Variants in SMPDL3B observed in about 807,000 individuals in gnomAD.
SMPDL3B encodes sphingomyelin phosphodiesterase acid like 3B.
In SMPDL3B, 31 loss-of-function variants were observed where a neutral mutation model predicts 37.9. The observed-to-expected ratio is 0.82, with a 90% CI of 0.61 to 1.10. SMPDL3B has a LOEUF of 1.10. Among genes scored for constraint, SMPDL3B ranks in the 50% least tolerant of loss-of-function variants. The probability of loss-of-function intolerance (pLI) is 0.00; values close to 1 mark genes in which losing one functional copy is unlikely to be tolerated. For synonymous variants in SMPDL3B, 235 were observed against 242.6 expected, an observed-to-expected ratio of 0.97 and a Z score of 0.29; for missense variants, 525 against 597.8, an observed-to-expected ratio of 0.88 and a Z score of 1.27.
At chr1:27,942,450 C>A in intron 1 of SMPDL3B, 1 of 421,864 alleles carries the variant, frequency 2.4e-6, no homozygotes, top group South Asian at 1.8e-5. Context: ...GCAGTTCATT[C>A]CTTTACTCTG....
chr1:27,938,929 G>C (rs888835190), intron 1 of SMPDL3B: 19 of 152,154 alleles, frequency 1.2e-4, no homozygotes, highest in African/African-American at 4.6e-4. Flanking sequence ...TCAATTTTGG[G>C]GGACGTAGCC....
At position 27,935,144 on chromosome 1, in the gene SMPDL3B, G is replaced by A. The variant is rs750403704; in HGVS notation, c.-40G>A. 2.2e-5 allele frequency: 33 copies of A among 1,525,178 alleles called. No homozygotes were observed. The highest frequency in any genetic ancestry group is 1.1e-4 in the South Asian group (10 of 88,024). 94.5% of individuals were successfully genotyped at this position (1,525,178 alleles called of 1,614,324 possible). ...AGCCTGTGGTGAGAACAACAACAGTGCCTGAGAATCCCACGGCTCTGGGGA... is the reference window on the plus strand; with the variant it reads ...AGCCTGTGGTGAGAACAACAACAGTACCTGAGAATCCCACGGCTCTGGGGA... On this transcript the variant is annotated 5_prime_UTR_variant, in exon 1 of 8. Transcript: ENST00000373894.
At position 27,955,751 on chromosome 1, in the gene SMPDL3B, A is replaced by G. The variant is rs774378562; in HGVS notation, c.758A>G (p.Glu253Gly). The G allele has an allele frequency of 6.2e-7, 1 of 1,614,084 alleles. No individual in the cohort carries two copies. Among genetic ancestry groups the G allele is most frequent in the Non-Finnish European group, 8.5e-7 (1 of 1,180,014 alleles). The change falls in exon 6 of 8, where the codon GAG becomes GGG. Residue 253 changes from glutamate (E) to glycine (G), a missense_variant. Coordinates refer to ENST00000373894, the MANE Select transcript of SMPDL3B (RefSeq NM_014474.4). ...ACGCAAAACAAGGCATGGTTCCGGG[A>G]GGGCTTCAATGAAAAATACCTGAAG... ...EKTQNKAWFREGFNEKYLKVV... is the reference protein window; with the variant it reads ...EKTQNKAWFRGGFNEKYLKVV...
chr1:27,944,108 C>T (rs2090384067), intron 1 of SMPDL3B, among the ~76,000 whole-genome samples: 1 of 151,044 alleles, frequency 6.6e-6, no homozygotes, highest in Non-Finnish European at 1.5e-5. Flanking sequence ...GGATTCCTTT[C>T]TCTTTATTAC....
intron 3 of SMPDL3B, among the ~76,000 whole-genome samples, chr1:27,949,670 C>T (rs1000422287): frequency 6.6e-6 from 1 of 152,164 alleles, no homozygotes; most frequent in Non-Finnish European, 1.5e-5. Flanking sequence ...AGCAGCCCTA[C>T]GGGACACTAT....
intron 1 of SMPDL3B, chr1:27,942,313 G>T (rs1181490882): frequency 2.5e-6 from 1 of 398,510 alleles, no homozygotes; most frequent in East Asian, 8.8e-5. Flanking sequence ...GAAAGGCAAA[G>T]GGCCTCCCCC....
Position 27,958,483 on chromosome 1 carries a change from T to A in SMPDL3B, c.1013T>A (p.Val338Glu). Residue 338 changes from valine to glutamate, a missense_variant, in exon 8 of 8, where the codon GTG (valine) becomes GAG (glutamate). By Grantham distance (121) the Val-to-Glu change is moderately radical (BLOSUM62 -2). Transcript: ENST00000373894. The surrounding 1 kb of genome is among the most constrained non-coding windows in gnomAD (Gnocchi z 5.6). ...DRATLSLKDM[V>E]TYFMNLSQAN... is the part of the protein sequence containing the mutation. Reference sequence around the variant, plus strand: ...CCCAAACCCTTTTTCCAGGACATGGTGACCTACTTCATGAACCTGAGCCAG... The same window carrying A: ...CCCAAACCCTTTTTCCAGGACATGGAGACCTACTTCATGAACCTGAGCCAG... The A allele has an allele frequency of 6.3e-7, 1 of 1,599,882 alleles. No individual in the cohort carries two copies. Among genetic ancestry groups the A allele is most frequent in the Non-Finnish European group, 8.6e-7 (1 of 1,168,650 alleles).
intron 1 of SMPDL3B, among the ~76,000 whole-genome samples, chr1:27,943,643 C>G (rs969331113): frequency 6.6e-6 from 1 of 152,066 alleles, no homozygotes; most frequent in Non-Finnish European, 1.5e-5. Flanking sequence ...CTTGTTTTAT[C>G]GAGAAACAGG....
intron 1 of SMPDL3B, among the ~76,000 whole-genome samples, chr1:27,939,407 G>T (rs1452355865): frequency 2.6e-5 from 4 of 152,014 alleles, no homozygotes; most frequent in Admixed American, 2.6e-4. Flanking sequence ...CTGGAGTGCG[G>T]TGCTGCAATC....
In SMPDL3B at chr1:27,954,526, G is replaced by T; in HGVS notation, c.690G>T (p.Met230Ile). Residue 230 changes from methionine (M) to isoleucine (I), a missense_variant and splice_region_variant, in exon 5 of 8, where the codon ATG (methionine) becomes ATT (isoleucine). Transcript: ENST00000373894. ...VLTDASKAGDMVYIVGHVPPG... is the reference protein window; with the variant it reads ...VLTDASKAGDIVYIVGHVPPG... ...CCGATGCATCCAAAGCTGGGGACAT[G>T]GTAAGAGGCCCTGCTTCTTTCTTTT... is the stretch of plus-strand genomic sequence containing the variant. The T allele has an allele frequency of 6.2e-7, 1 of 1,613,348 alleles. No homozygotes were observed. The highest frequency in any genetic ancestry group is 1.1e-5 in the South Asian group (1 of 91,032).
In SMPDL3B at chr1:27,945,799, A is replaced by AG. The variant is rs1361691865; in HGVS notation, c.275+356dup. 6.6e-6 allele frequency among the ~76,000 whole-genome samples: 1 copy of AG among 152,112 alleles called. No individual in the cohort carries two copies. The highest frequency in any genetic ancestry group is 2.4e-5 in the African/African-American group (1 of 41,412). ...GGGGCTTAGGGACTCTAAGTCTGAG[A>AG]GGTCCAAGTGCAGGGAGGGAAGAAG... is the stretch of plus-strand genomic sequence containing the variant. On this transcript the variant is annotated intron_variant, in intron 2 of 7. Coordinates refer to ENST00000373894, the MANE Select transcript of SMPDL3B (RefSeq NM_014474.4). The surrounding 1 kb of genome is among the most constrained non-coding windows in gnomAD (Gnocchi z 4.0).
At chr1:27,941,691 G>C (rs1368418846) in intron 1 of SMPDL3B, 2 of 153,156 alleles carry the variant, frequency 1.3e-5, no homozygotes, top group African/African-American at 4.8e-5. Context: ...CTTCTGAGGA[G>C]GTGACCTTGG....
chr1:27,956,882 G>T (rs1441359425), intron 7 of SMPDL3B, among the ~76,000 whole-genome samples: 1 of 152,062 alleles, frequency 6.6e-6, no homozygotes, highest in Non-Finnish European at 1.5e-5. Flanking sequence ...TCCACATAAG[G>T]TGCCATTTGA....
At chr1:27,956,312 T>A (rs1638273576) in intron 7 of SMPDL3B, 2 of 1,470,994 alleles carry the variant, frequency 1.4e-6, no homozygotes, top group African/African-American at 2.8e-5. Context: ...CACAGCTTCA[T>A]ACCTGGTCTC....
intron 2 of SMPDL3B, 141 bp from the exon 3 acceptor site, chr1:27,948,924 C>T (rs2148677830): frequency 6.7e-7 from 1 of 1,500,858 alleles, no homozygotes; most frequent in South Asian, 1.2e-5. Flanking sequence ...TCTGACTCCA[C>T]TCTAGCCTGG....
At chr1:27,956,610 A>C (rs1188525580) in intron 7 of SMPDL3B, 4 of 482,738 alleles carry the variant, frequency 8.3e-6, no homozygotes, top group Non-Finnish European at 1.1e-5. Flanking sequence ...TGAGATGAAA[A>C]ATATTATTCC....
rs781719214 is a variant in SMPDL3B at position 27,945,481 on chromosome 1, G to A, written c.275+36G>A. 2 of 1,547,446 alleles carry A rather than the reference G, an allele frequency of 1.3e-6. No individual in the cohort carries two copies. Among genetic ancestry groups the A allele is most frequent in the Non-Finnish European group, 1.8e-6 (2 of 1,120,926 alleles). On this transcript the variant is annotated intron_variant, in intron 2 of 7. Coordinates refer to ENST00000373894, the MANE Select transcript of SMPDL3B (RefSeq NM_014474.4). The surrounding 1 kb of genome is among the most constrained non-coding windows in gnomAD (Gnocchi z 4.0). Reference sequence around the variant, plus strand: ...TTGAGGTGGCAGCTACCCTTTGCCAGGCATCTGCTATGTGCTACATACCAG... The same window carrying A: ...TTGAGGTGGCAGCTACCCTTTGCCAAGCATCTGCTATGTGCTACATACCAG...
rs754135537 is a variant in SMPDL3B, at chr1:27,949,086, C to G, written c.297C>G (p.Pro99=). The change falls in exon 3 of 8, where the codon CCC becomes CCG. Residue 99 remains proline (P), a synonymous_variant. Transcript: ENST00000373894. Reference sequence around the variant, plus strand: ...GTAGTGATGACACGCCTCATGTGCCCGATGAGAAACTGGGAGAGGCAGCTG... The same window carrying G: ...GTAGTGATGACACGCCTCATGTGCCGGATGAGAAACTGGGAGAGGCAGCTG... ...LWTGDDTPHV[P]DEKLGEAAVL... is the part of the protein sequence containing the mutation. The G allele has an allele frequency of 2.5e-6, 4 of 1,614,024 alleles. No individual in the cohort carries two copies. In the Admixed American group the frequency reaches 5.0e-5, roughly 20 times the overall value.
Position 27,945,550 on chromosome 1 carries a change from T to C in SMPDL3B, c.275+105T>C. On this transcript the variant is annotated intron_variant, in intron 2 of 7. Transcript: ENST00000373894. The surrounding 1 kb of genome is among the most constrained non-coding windows in gnomAD (Gnocchi z 4.0). The stretch of plus-strand genomic sequence containing the variant: ...TTATCTCCCTTAATCCTCACATCAG[T>C]CTCACGTGAGGCTGAGGAACCTAAA... The C allele has an allele frequency of 1.1e-6, 1 of 937,238 alleles. No individual in the cohort carries two copies. Among genetic ancestry groups the C allele is most frequent in the Non-Finnish European group, 1.7e-6 (1 of 593,808 alleles). The allele number at this position is 937,238 out of a possible 1,614,324, so 58.1% of individuals were successfully genotyped here. A position where few individuals can be genotyped will look rare whatever the true frequency, so the allele number is the denominator to read the frequency against.
Sources: allele counts gnomAD v4.1 joint callset (sites outside exome capture counted in the v4.1 genomes callset), GRCh38; gene constraint gnomAD v4.1.1; non-coding constraint Gnocchi (gnomAD v3.1); transcripts MANE v1.5; gene names NCBI Gene and HGNC (gene_info 2026-07-23, HGNC 2026-07-21).